Variants in RSU1 observed in about 807,000 individuals in gnomAD.
RSU1 encodes Ras suppressor protein 1, also known as rsu-1.
Under a neutral mutation model 31.1 loss-of-function variants are expected in RSU1, and 26 were observed. The observed-to-expected ratio is 0.84, with a 90% confidence interval of 0.61 to 1.16. The LOEUF is 1.16. RSU1 is among the 50% of genes most tolerant of loss of function. The probability of loss-of-function intolerance (pLI) is 0.00; values close to 1 mark genes in which losing one functional copy is unlikely to be tolerated. For synonymous variants in RSU1, 164 were observed against 136.3 expected (o/e 1.20, Z -1.41); for missense variants, 320 against 339.1 (o/e 0.94, Z 0.44).
At chr10:16,649,290 C>A (rs913984361) in intron 8 of RSU1, among the ~76,000 whole-genome samples, 2 of 152,134 alleles carry the variant, frequency 1.3e-5, no homozygotes, top group African/African-American at 4.8e-5. Flanking sequence ...CAGTCTCCTT[C>A]TCAGAGATAT....
intron 5 of RSU1, among the ~76,000 whole-genome samples, chr10:16,753,929 T>C (rs1396679730): frequency 6.6e-6 from 1 of 152,172 alleles, no homozygotes; most frequent in East Asian, 1.9e-4. Flanking sequence ...GGCTACTTTT[T>C]AAATTTTTAT....
At chr10:16,808,655 A>G (rs1205217479) in intron 2 of RSU1, among the ~76,000 whole-genome samples, 1 of 152,192 alleles carries the variant, frequency 6.6e-6, no homozygotes, top group African/African-American at 2.4e-5. Context: ...ACCACAGAGT[A>G]GGCACTCAGG....
chr10:16,805,685 CTTTT>C (rs780025224), intron 2 of RSU1, among the ~76,000 whole-genome samples: 1 of 132,192 alleles, frequency 7.6e-6, no homozygotes, highest in Non-Finnish European at 1.6e-5. Flanking sequence ...AAAAAAAAAG[CTTTT>C]TTTTTTTTAA....
intron 3 of RSU1, among the ~76,000 whole-genome samples, chr10:16,770,592 G>C (rs767172581): frequency 2.6e-5 from 4 of 152,250 alleles, no homozygotes; most frequent in Non-Finnish European, 4.4e-5. Context: ...TGATTCCTGA[G>C]CTAGGGCTGG....
At chr10:16,800,467 T>C (rs1032210433) in intron 2 of RSU1, among the ~76,000 whole-genome samples, 1 of 152,158 alleles carries the variant, frequency 6.6e-6, no homozygotes, top group Non-Finnish European at 1.5e-5. Flanking sequence ...GGCTCATTAG[T>C]AGAATGGATA....
intron 2 of RSU1, among the ~76,000 whole-genome samples, chr10:16,816,241 ATG>A: frequency 6.9e-6 from 1 of 144,448 alleles, no homozygotes; most frequent in Non-Finnish European, 1.6e-5. Flanking sequence ...CTATGGTGAC[ATG>A]TGTCTGAGTA....
chr10:16,781,531 T>C (rs1372932020), intron 3 of RSU1, among the ~76,000 whole-genome samples: 1 of 152,260 alleles, frequency 6.6e-6, no homozygotes, highest in African/African-American at 2.4e-5. Flanking sequence ...GAACTTGTTC[T>C]AACAATTTCA....
intron 8 of RSU1, among the ~76,000 whole-genome samples, chr10:16,641,491 C>CAAAAA (rs59893762): frequency 1.9e-4 from 22 of 114,380 alleles, no homozygotes; most frequent in African/African-American, 6.6e-4. Context: ...GACTTTATCT[C>CAAAAA]AAAAAAAAAA....
At chr10:16,721,148 G>A (rs137935566) in intron 7 of RSU1, among the ~76,000 whole-genome samples, 53 of 152,278 alleles carry the variant, frequency 3.5e-4, no homozygotes, top group African/African-American at 1.2e-3. Context: ...GGTTCATATG[G>A]ATACTGAAGA....
intron 8 of RSU1, 91 bp downstream of exon 8, chr10:16,694,932 A>T (rs578029598): frequency 2.3e-5 from 28 of 1,242,652 alleles, no homozygotes; most frequent in Admixed American, 4.3e-5. Context: ...ACTGCCATCA[A>T]TAGGATACTG....
intron 7 of RSU1, among the ~76,000 whole-genome samples, chr10:16,710,796 T>C (rs1564327333): frequency 1.3e-5 from 2 of 152,118 alleles, no homozygotes; most frequent in African/African-American, 4.8e-5. Context: ...TAGGAATTTC[T>C]CCAATGCTAT....
chr10:16,813,307 C>T (rs1838449042), intron 2 of RSU1, among the ~76,000 whole-genome samples: 3 of 152,064 alleles, frequency 2.0e-5, no homozygotes, highest in South Asian at 4.1e-4. Flanking sequence ...GAACCTTAGG[C>T]AAAAGTACCA....
At chr10:16,698,374 G>T (rs1835723821) in intron 7 of RSU1, among the ~76,000 whole-genome samples, 1 of 152,152 alleles carries the variant, frequency 6.6e-6, no homozygotes, top group Non-Finnish European at 1.5e-5. Context: ...CTGCGGGAAA[G>T]AAGCACTCGT....
chr10:16,777,187 C>T (rs1183541756), intron 3 of RSU1, among the ~76,000 whole-genome samples: 5 of 151,862 alleles, frequency 3.3e-5, no homozygotes, highest in Non-Finnish European at 2.9e-5. Flanking sequence ...GCACAAAATA[C>T]ACATTTTCCT....
At chr10:16,774,347 C>T (rs1224946163) in intron 3 of RSU1, among the ~76,000 whole-genome samples, 1 of 152,084 alleles carries the variant, frequency 6.6e-6, no homozygotes. Flanking sequence ...CCGAGGCAAG[C>T]AGATTGCTTG....
rs916198902 is a variant in RSU1 at position 16,590,916 on chromosome 10, ATTT to A, written c.*2475_*2477del. The stretch of plus-strand genomic sequence containing the variant: ...CTCCCTTTGCCCTTATTGTTGAACA[ATTT>A]TTTTTTCTTGGGAACGGAATCTTGC... On this transcript the variant is annotated 3_prime_UTR_variant, in exon 9 of 9. Coordinates refer to ENST00000345264, the MANE Select transcript of RSU1 (RefSeq NM_012425.4). 1 of 151,146 alleles carries A rather than the reference ATTT, an allele frequency of 6.6e-6. No homozygotes were observed. The highest frequency in any genetic ancestry group is 1.5e-5 in the Non-Finnish European group (1 of 67,720). 9.4% of individuals were successfully genotyped at this position (151,146 alleles called of 1,614,324 possible).
chr10:16,776,636 A>G (rs891457451), intron 3 of RSU1, among the ~76,000 whole-genome samples: 1 of 152,186 alleles, frequency 6.6e-6, no homozygotes, highest in African/African-American at 2.4e-5. Flanking sequence ...AAGGTTTTAC[A>G]TGGCAGTTAA....
intron 8 of RSU1, among the ~76,000 whole-genome samples, chr10:16,637,140 C>T (rs1172269654): frequency 2.0e-5 from 3 of 152,212 alleles, no homozygotes; most frequent in Admixed American, 6.5e-5. Flanking sequence ...CACTGCTCTC[C>T]AAGCCACCAT....
intron 2 of RSU1, among the ~76,000 whole-genome samples, chr10:16,799,977 T>C (rs1838117304): frequency 6.6e-6 from 1 of 152,092 alleles, no homozygotes; most frequent in Non-Finnish European, 1.5e-5. Flanking sequence ...AGGGGTCCTA[T>C]AAAATAATAC....
Sources: allele counts gnomAD v4.1 joint callset (sites outside exome capture counted in the v4.1 genomes callset), GRCh38; gene constraint gnomAD v4.1.1; transcripts MANE v1.5; gene names NCBI Gene and HGNC (gene_info 2026-07-23, HGNC 2026-07-21).